TRAPPC11: variants seen among roughly 807,000 people sequenced by gnomAD.
The protein encoded by TRAPPC11 is foie gras homolog.
TRAPPC11 carries 104 observed loss-of-function variants against 151.2 expected under a neutral mutation model. The observed-to-expected ratio is 0.69, with a 90% CI of 0.59 to 0.81. The LOEUF (loss-of-function observed/expected upper bound fraction) is 0.81. Among genes scored for constraint, TRAPPC11 ranks in the 30% least tolerant of loss-of-function variants. The pLI is 0.00. For missense variants in TRAPPC11, 1,230 were observed against 1,349.6 expected (o/e 0.91, Z 1.39); for synonymous variants, 456 against 472.3 (o/e 0.97, Z 0.45).
chr4:183,691,844 AT>A lies in TRAPPC11; in HGVS notation c.2049+379del, dbSNP rs1462813479. Among the ~76,000 whole-genome samples, 4 of 152,256 alleles carry A rather than the reference AT, an allele frequency of 2.6e-5. No homozygotes were observed. The East Asian group carries it at 5.8e-4, about 22-fold the overall frequency. ...GTATATTATGTAATATAGCAAATAT[AT>A]TTTTTATGTTATTCAGACTGAATAT... On this transcript the variant is annotated intron_variant, in intron 19 of 29. Transcript: ENST00000334690.
chr4:183,694,914 A>G lies in TRAPPC11; in HGVS notation c.2628+191A>G, dbSNP rs111330935. 4.6e-3 allele frequency among the ~76,000 whole-genome samples: 699 copies of G among 151,188 alleles called. 6 individuals are homozygous for G. The highest frequency in any genetic ancestry group is 0.016 in the African/African-American group (664 of 41,214). The stretch of plus-strand genomic sequence containing the variant: ...TTAGGCTGGCATTCACTGCTCAAAC[A>G]TTAAACAGAAAATTAGCTTATATGG... On this transcript the variant is annotated intron_variant, in intron 23 of 29. Coordinates refer to ENST00000334690, the MANE Select transcript of TRAPPC11 (RefSeq NM_021942.6).
chr4:183,706,339 C>T (rs1038324679), intron 27 of TRAPPC11, among the ~76,000 whole-genome samples: 23 of 152,040 alleles, frequency 1.5e-4, no homozygotes, highest in Admixed American at 1.4e-3. Context: ...CTGGCTAACA[C>T]GGTGAAACCC....
intron 26 of TRAPPC11, among the ~76,000 whole-genome samples, chr4:183,702,531 C>A (rs537142077): frequency 2.0e-5 from 3 of 152,154 alleles, no homozygotes; most frequent in Non-Finnish European, 2.9e-5. Context: ...GTGAACAAAG[C>A]AAGCTACTGA....
intron 29 of TRAPPC11, 106 bp downstream of exon 29, chr4:183,708,680 A>G (rs967923656): frequency 9.5e-6 from 10 of 1,049,442 alleles, no homozygotes; most frequent in Non-Finnish European, 1.4e-5. Flanking sequence ...CAACAGTGAT[A>G]GTTTTGCCTT....
At chr4:183,670,913 G>A (rs1033325800) in intron 5 of TRAPPC11, among the ~76,000 whole-genome samples, 2 of 152,176 alleles carry the variant, frequency 1.3e-5, no homozygotes, top group African/African-American at 4.8e-5. Flanking sequence ...AGCCTCCCAA[G>A]TAGCTGAGAT....
chr4:183,665,389 A>T (rs57598445), intron 2 of TRAPPC11, among the ~76,000 whole-genome samples: 3 of 152,140 alleles, frequency 2.0e-5, no homozygotes. Context: ...CCACCGTGCC[A>T]GGCCTACATG....
rs751914451 is a variant in TRAPPC11 at position 183,692,947 on chromosome 4, T to A, written c.2050-13T>A. ...TGAGATGACATTTCCAACATCCTTT[T>A]TTTTCTTTTTAGATTACTTCAGTGG... On this transcript the variant is annotated splice_polypyrimidine_tract_variant and intron_variant, in intron 19 of 29. Transcript: ENST00000334690. 1.1e-5 allele frequency: 18 copies of A among 1,587,494 alleles called. No homozygotes were observed. The highest frequency in any genetic ancestry group is 1.5e-5 in the Non-Finnish European group (18 of 1,166,306).
intron 5 of TRAPPC11, among the ~76,000 whole-genome samples, chr4:183,670,992 A>G (rs1280787917): frequency 6.6e-6 from 1 of 152,036 alleles, no homozygotes; most frequent in Non-Finnish European, 1.5e-5. Flanking sequence ...AGCCTCCCAA[A>G]GTGCTGGGAT....
chr4:183,662,480 C>T (rs182315312), intron 1 of TRAPPC11, among the ~76,000 whole-genome samples: 3 of 151,650 alleles, frequency 2.0e-5, no homozygotes, highest in Admixed American at 6.6e-5. Flanking sequence ...TCAGGGCATA[C>T]GTTAGATTTA....
chr4:183,677,470 C>T lies in TRAPPC11; in HGVS notation c.747C>T (p.Thr249=), dbSNP rs540347620. 2.2e-5 allele frequency: 35 copies of T among 1,593,504 alleles called. No homozygotes were observed. The South Asian group carries it at 2.7e-4, about 12-fold the overall frequency. Residue 249 remains threonine (T), a synonymous_variant, in exon 8 of 30, where the codon ACC becomes ACT. Coordinates refer to ENST00000334690, the MANE Select transcript of TRAPPC11 (RefSeq NM_021942.6). ...DTQNALKNYR[T]AYNLVHELRA... is the part of the protein sequence containing the mutation. ...CCTCCTCATTTAGGAATTATAGGAC[C>T]GCCTATAATCTTGTACACGAATTGA...
intron 11 of TRAPPC11, among the ~76,000 whole-genome samples, chr4:183,683,386 C>T (rs1005140690): frequency 2.6e-5 from 4 of 151,810 alleles, no homozygotes; most frequent in African/African-American, 9.7e-5. Context: ...ACTGGCTAGG[C>T]GAGGTGGCTC....
intron 1 of TRAPPC11, among the ~76,000 whole-genome samples, chr4:183,661,458 G>A (rs1400837419): frequency 7.8e-6 from 1 of 128,810 alleles, no homozygotes; most frequent in South Asian, 2.7e-4. Context: ...TGCAAGCTCC[G>A]CCTCCCGGGT....
chr4:183,680,850 G>A (rs1310537714), intron 10 of TRAPPC11, among the ~76,000 whole-genome samples: 1 of 151,620 alleles, frequency 6.6e-6, no homozygotes, highest in Non-Finnish European at 1.5e-5. Context: ...CCGCCACCAC[G>A]CCTGGCTAAT....
rs376607382 is a variant in TRAPPC11, at chr4:183,677,146, T to C, written c.735-312T>C. 2.2e-3 allele frequency among the ~76,000 whole-genome samples: 330 copies of C among 152,378 alleles called. 2 individuals carry two copies. The highest frequency in any genetic ancestry group is 7.4e-3 in the African/African-American group (307 of 41,590). On this transcript the variant is annotated intron_variant, in intron 7 of 29. Coordinates refer to ENST00000334690, the MANE Select transcript of TRAPPC11 (RefSeq NM_021942.6). ...TTGTAATGGTACTTTAAAATACTTA[T>C]GTTTTTTAACAGAATGCTGATTTTT...
intron 7 of TRAPPC11, 39 bp downstream of exon 7, chr4:183,675,276 T>C: frequency 7.9e-7 from 1 of 1,268,106 alleles, no homozygotes; most frequent in Non-Finnish European, 1.1e-6. Flanking sequence ...CCTATTTTTA[T>C]ATTAACAATA....
intron 9 of TRAPPC11, 61 bp from the exon 10 acceptor site, chr4:183,680,059 C>T (rs1680899776): frequency 6.8e-7 from 1 of 1,463,064 alleles, no homozygotes; most frequent in Non-Finnish European, 9.4e-7. Context: ...GGATGAATTA[C>T]CAGAAATAAG....
At position 183,686,725 on chromosome 4, in the gene TRAPPC11, C is replaced by CTCTGTG; in HGVS notation, c.1873_1878dup (p.Cys625_Val626dup). ...TCCACATCCCATTAGGTTTTCCAAG[C>CTCTGTG]TCTGTGTCAGCTTTAATAATCAGGT... is the stretch of plus-strand genomic sequence containing the variant. On this transcript the variant is annotated inframe_insertion, in exon 18 of 30. Transcript: ENST00000334690. The CTCTGTG allele has an allele frequency of 1.9e-6, 3 of 1,614,050 alleles. No homozygotes were observed. The highest frequency in any genetic ancestry group is 2.5e-6 in the Non-Finnish European group (3 of 1,179,984).
chr4:183,664,625 G>A (rs1041923643), intron 2 of TRAPPC11, among the ~76,000 whole-genome samples: 4 of 151,940 alleles, frequency 2.6e-5, no homozygotes, highest in Non-Finnish European at 5.9e-5. Flanking sequence ...TAGTAAAGAC[G>A]ACTTTACCTT....
At chr4:183,712,299 TGA>T (rs912742223) in intron 29 of TRAPPC11, among the ~76,000 whole-genome samples, 1 of 152,108 alleles carries the variant, frequency 6.6e-6, no homozygotes, top group Non-Finnish European at 1.5e-5. Flanking sequence ...AACGCAGGGT[TGA>T]GAGAGAAGTA....
Sources: gnomAD v4.1 joint callset for allele counts (sites outside exome capture counted in the v4.1 genomes callset) on GRCh38, gnomAD v4.1.1 for gene constraint, MANE v1.5 for transcripts, NCBI Gene and HGNC (gene_info 2026-07-23, HGNC 2026-07-21) for gene names.